Variants in SLC7A2 observed in about 807,000 individuals in gnomAD.
SLC7A2 encodes cationic amino acid transporter 2.
SLC7A2 carries 48 observed loss-of-function variants against 58.9 expected under a neutral mutation model. That is an observed-to-expected ratio of 0.82 (90% CI 0.65 to 1.04). The LOEUF (loss-of-function observed/expected upper bound fraction) is 1.04, where lower values mean the gene tolerates loss of function less well. Among genes scored for constraint, SLC7A2 ranks in the 50% least tolerant of loss-of-function variants. SLC7A2 has a pLI of 0.00. For synonymous variants in SLC7A2, 363 were observed against 314.5 expected, an observed-to-expected ratio of 1.15 and a Z score of -1.63; for missense variants, 1,029 against 818.8, an observed-to-expected ratio of 1.26 and a Z score of -3.13.
intron 3 of SLC7A2, 33 bp from the exon 4 acceptor site, chr8:17,544,418 G>T: frequency 1.9e-6 from 3 of 1,598,786 alleles, no homozygotes; most frequent in Non-Finnish European, 8.5e-7. Flanking sequence ...TTTGCCCCCA[G>T]TGACTTCGTA....
At chr8:17,529,532 GT>G (rs58195705) in intron 2 of SLC7A2, among the ~76,000 whole-genome samples, 74,047 of 139,292 alleles carry the variant, frequency 0.53, 19,403 homozygotes, top group Non-Finnish European at 0.59. Context: ...TTGTTTTTTT[GT>G]TTTTTTTTTT....
chr8:17,512,998 A>G (rs903619097), intron 2 of SLC7A2, among the ~76,000 whole-genome samples: 1 of 152,204 alleles, frequency 6.6e-6, no homozygotes, highest in Non-Finnish European at 1.5e-5. Flanking sequence ...ATAATAGTCC[A>G]TTGTATGTAT....
intron 2 of SLC7A2, among the ~76,000 whole-genome samples, chr8:17,506,804 G>A (rs1800383731): frequency 6.6e-6 from 1 of 151,352 alleles, no homozygotes; most frequent in African/African-American, 2.4e-5. Context: ...TGTCTGGAGT[G>A]CAGTGGCGCA....
intron 3 of SLC7A2, 96 bp downstream of exon 3, chr8:17,543,811 A>C (rs371088068): frequency 4.6e-6 from 5 of 1,078,952 alleles, no homozygotes; most frequent in Non-Finnish European, 1.3e-6. Flanking sequence ...TGGGTACATC[A>C]CTTGATGTCT....
intron 2 of SLC7A2, among the ~76,000 whole-genome samples, chr8:17,514,262 T>C (rs1800714702): frequency 6.6e-6 from 1 of 151,554 alleles, no homozygotes; most frequent in African/African-American, 2.4e-5. Flanking sequence ...GAGGAATCAA[T>C]TAAAAAAAAA....
chr8:17,557,575 A>G (rs1423720398), intron 8 of SLC7A2, among the ~76,000 whole-genome samples: 1 of 152,218 alleles, frequency 6.6e-6, no homozygotes, highest in African/African-American at 2.4e-5. Flanking sequence ...TCACACCTGT[A>G]ATCCCAGCAT....
At chr8:17,522,945 G>C (rs1585205104) in intron 2 of SLC7A2, among the ~76,000 whole-genome samples, 1 of 152,158 alleles carries the variant, frequency 6.6e-6, no homozygotes, top group Non-Finnish European at 1.5e-5. Context: ...TGAAGTGGGA[G>C]GATTGCTTGA....
At chr8:17,555,029 T>C (rs750089368) in intron 8 of SLC7A2, 1 of 1,613,880 alleles carries the variant, frequency 6.2e-7, no homozygotes, top group Admixed American at 1.7e-5. Flanking sequence ...CTTGCCAGAG[T>C]GAGTAAGAGG....
Position 17,551,914 on chromosome 8 carries a change from C to T in SLC7A2, c.983C>T (p.Ala328Val), listed in dbSNP as rs371734086. Residue 328 changes from alanine (A) to valine (V), a missense_variant, in exon 7 of 13, where the codon GCG becomes GTG. Ala to Val is a moderately conservative substitution (Grantham distance 64, BLOSUM62 0). Transcript: ENST00000494857. Reference protein sequence around the residue: ...LLDEKSPLPVAFEYVGWGPAK... With the variant: ...LLDEKSPLPVVFEYVGWGPAK... ...GATGAAAAAAGCCCCCTTCCTGTAG[C>T]GTTTGAATATGTGGGATGGGGTCCT... The T allele has an allele frequency of 2.5e-6, 4 of 1,613,822 alleles. No individual in the cohort carries two copies. The highest frequency in any genetic ancestry group is 2.7e-5 in the African/African-American group (2 of 74,828).
chr8:17,494,898 C>G (rs1799919696), upstream of SLC7A2, among the ~76,000 whole-genome samples: 1 of 152,200 alleles, frequency 6.6e-6, no homozygotes, highest in Non-Finnish European at 1.5e-5. Context: ...CTTATTCACA[C>G]ACATGAACAC....
intron 2 of SLC7A2, among the ~76,000 whole-genome samples, chr8:17,536,924 C>G (rs899594110): frequency 1.3e-5 from 2 of 152,194 alleles, no homozygotes; most frequent in East Asian, 3.9e-4. Flanking sequence ...ATCTTGCACA[C>G]CCAGCGTTAG....
rs762856452 is a variant in SLC7A2 at position 17,554,579 on chromosome 8, C to A, written c.1075C>A (p.Pro359Thr). The change falls in exon 8 of 13, where the codon CCA (proline) becomes ACA (threonine). Residue 359 changes from proline (P) to threonine (T), a missense_variant. Coordinates refer to ENST00000494857, the MANE Select transcript of SLC7A2 (RefSeq NM_001370338.1). ...ATTCAGTCTTCTTGGATCCATTTTCCCAATGCCTCGTGTAATCTATGCTAT... is the reference window on the plus strand; with the variant it reads ...ATTCAGTCTTCTTGGATCCATTTTCACAATGCCTCGTGTAATCTATGCTAT... The part of the protein sequence containing the change: ...LSTSLLGSIF[P>T]MPRVIYAMAE... 8 of 1,602,772 alleles carry A rather than the reference C, an allele frequency of 5.0e-6. No individual in the cohort carries two copies.
At chr8:17,548,396 C>G (rs969428608) in intron 4 of SLC7A2, among the ~76,000 whole-genome samples, 2 of 152,268 alleles carry the variant, frequency 1.3e-5, no homozygotes, top group Non-Finnish European at 2.9e-5. Flanking sequence ...GTTACTTTAC[C>G]TATCACTGGC....
At position 17,558,531 on chromosome 8, in the gene SLC7A2, G is replaced by A. The variant is rs547248623; in HGVS notation, c.1298+134G>A. 1.2e-4 allele frequency: 63 copies of A among 525,648 alleles called. No homozygotes were observed. In the South Asian group the frequency reaches 1.3e-3, roughly 11 times the overall value. The allele number at this position is 525,648 out of a possible 1,614,324, so 32.6% of individuals were successfully genotyped here. A position where few individuals can be genotyped will look rare whatever the true frequency, so the allele number is the denominator to read the frequency against. ...GTGAGAGGTCACATCTAACAAAATA[G>A]CAATGAAAAGTGGAAGAAGCGTATC... On this transcript the variant is annotated intron_variant, in intron 9 of 12. Transcript: ENST00000494857.
At chr8:17,563,774 C>G (rs1306632012) in intron 12 of SLC7A2, 63 bp downstream of exon 12, 1 of 908,866 alleles carries the variant, frequency 1.1e-6, no homozygotes. Context: ...GAAACATGCC[C>G]TCTCCCCCAT....
intron 1 of SLC7A2, among the ~76,000 whole-genome samples, chr8:17,499,781 T>A (rs2517217): frequency 6.6e-6 from 1 of 151,952 alleles, no homozygotes; most frequent in Non-Finnish European, 1.5e-5. Context: ...AAGCTGTTAA[T>A]TAATTTCTAA....
rs117370640 is a variant in SLC7A2, at chr8:17,520,971, A to C, written c.-23+18669A>C. Among the ~76,000 whole-genome samples the C allele has an allele frequency of 1.2e-3, 177 of 152,292 alleles. 1 individual carries two copies. The highest frequency in any genetic ancestry group is 9.0e-3 in the Admixed American group (137 of 15,296). ...AGATACATGTTACGGAAATGACCTT[A>C]TATAAGCCTGTTTCAGGCTTAGTAT... On this transcript the variant is annotated intron_variant, in intron 2 of 12. Transcript: ENST00000494857.
chr8:17,503,059 TA>T (rs1200395163), intron 2 of SLC7A2, among the ~76,000 whole-genome samples: 3 of 152,108 alleles, frequency 2.0e-5, no homozygotes, highest in South Asian at 2.1e-4. Flanking sequence ...TATTTTATTT[TA>T]TTTTTTTTGA....
chr8:17,551,292 G>A (rs2150755362), intron 6 of SLC7A2, among the ~76,000 whole-genome samples: 1 of 152,216 alleles, frequency 6.6e-6, no homozygotes, highest in South Asian at 2.1e-4. Flanking sequence ...AAGAATAGAG[G>A]AAATTTCATG....
Sources: gnomAD v4.1 joint callset for allele counts (sites outside exome capture counted in the v4.1 genomes callset) on GRCh38, gnomAD v4.1.1 for gene constraint, MANE v1.5 for transcripts, NCBI Gene and HGNC (gene_info 2026-07-23, HGNC 2026-07-21) for gene names.